The following KANK4 variants were observed in gnomAD, a reference collection of about 807,000 sequenced individuals.
KANK4 encodes KN motif and ankyrin repeat domains 4.
In KANK4, 50 loss-of-function variants were observed where a neutral mutation model predicts 80.8. The observed-to-expected ratio is 0.62, with a 90% confidence interval of 0.49 to 0.78. KANK4 has a LOEUF of 0.78. KANK4 is among the 30% of genes least tolerant of loss of function. KANK4 has a pLI of 0.00. For missense variants in KANK4, 1,196 were observed against 1,240.1 expected (o/e 0.96, Z 0.53); for synonymous variants, 465 against 506.9 (o/e 0.92, Z 1.11).
intron 5 of KANK4, 35 bp from the exon 6 acceptor site, chr1:62,266,854 T>C: frequency 7.9e-7 from 1 of 1,267,640 alleles, no homozygotes; most frequent in Non-Finnish European, 1.1e-6. Flanking sequence ...CATATTTATA[T>C]AATCATTTTC....
intron 1 of KANK4, among the ~76,000 whole-genome samples, chr1:62,305,786 C>T (rs1644446814): frequency 6.6e-6 from 1 of 152,068 alleles, no homozygotes; most frequent in Non-Finnish European, 1.5e-5. Flanking sequence ...TTTCTCCTGA[C>T]ACTGCATTGC....
At chr1:62,267,560 G>T (rs1672052938) in intron 5 of KANK4, among the ~76,000 whole-genome samples, 1 of 152,170 alleles carries the variant, frequency 6.6e-6, no homozygotes, top group Non-Finnish European at 1.5e-5. Flanking sequence ...CCAGCACTTT[G>T]GGAGGCTGAG....
rs575939682 is a variant in KANK4, at chr1:62,263,300, C to A, written c.2331G>T (p.Leu777Phe). The change falls in exon 7 of 10, where the codon TTG becomes TTT. Residue 777 changes from leucine (L) to phenylalanine (F), a missense_variant. Physicochemically the swap from Leu to Phe is conservative, Grantham distance 22. This residue lies in a region of KANK4 where 1,154 missense variants were observed against 1,179.6 expected (regional missense o/e 0.98). Transcript: ENST00000371153. ...TTTDQLLRQS[L>F]NTISQEWFRV... The stretch of plus-strand genomic sequence containing the variant: ...GGAACCACTCTTGACTGATGGTGTT[C>A]AAGCTTTGCCTCTGAAACCCCAAAA... 3.1e-6 allele frequency: 5 copies of A among 1,613,140 alleles called. No individual in the cohort carries two copies. The highest frequency in any genetic ancestry group is 4.2e-6 in the Non-Finnish European group (5 of 1,179,716).
At chr1:62,294,319 C>T (rs1644340123) in intron 1 of KANK4, among the ~76,000 whole-genome samples, 1 of 152,198 alleles carries the variant, frequency 6.6e-6, no homozygotes, top group Non-Finnish European at 1.5e-5. Flanking sequence ...AATTCAGCTC[C>T]ACTTCCTCCC....
chr1:62,274,051 G>T lies in KANK4; in HGVS notation c.1053C>A (p.Ala351=), dbSNP rs767668625. The T allele has an allele frequency of 4.3e-6, 7 of 1,614,150 alleles. No homozygotes were observed. Among genetic ancestry groups the T allele is most frequent in the Non-Finnish European group, 5.9e-6 (7 of 1,180,028 alleles). Residue 351 remains alanine (A), a synonymous_variant, in exon 3 of 10, where the codon GCC becomes GCA. Transcript: ENST00000371153. ...TTCTTCCAGACAACTCTCCCTCCAGGGCCGAGACCTGCTGTTTCAGGCTGG... is the reference window on the plus strand; with the variant it reads ...TTCTTCCAGACAACTCTCCCTCCAGTGCCGAGACCTGCTGTTTCAGGCTGG... ...SISSLKQQVS[A]LEGELSGRTE... is the part of the protein sequence containing the mutation.
chr1:62,302,359 G>C (rs1235876427), intron 1 of KANK4, among the ~76,000 whole-genome samples: 1 of 151,986 alleles, frequency 6.6e-6, no homozygotes, highest in Non-Finnish European at 1.5e-5. Context: ...ATTTACTCCA[G>C]GCACTGTGCT....
rs1326080377 is a variant in KANK4, at chr1:62,319,288, T to C, written c.-253A>G. On this transcript the variant is annotated 5_prime_UTR_variant, in exon 1 of 10. Transcript: ENST00000371153. ...GCGCGCACACCCTCCAGGCGCCCTC[T>C]GGCCGACGGTCTCGGCCCTGGCCCC... is the stretch of plus-strand genomic sequence containing the variant. 1.3e-5 allele frequency: 2 copies of C among 151,782 alleles called. No homozygotes were observed. The highest frequency in any genetic ancestry group is 2.4e-5 in the African/African-American group (1 of 41,366). The allele number at this position is 151,782 out of a possible 1,614,324, so 9.4% of individuals were successfully genotyped here. A position where few individuals can be genotyped will look rare whatever the true frequency, so the allele number is the denominator to read the frequency against.
intron 7 of KANK4, among the ~76,000 whole-genome samples, chr1:62,259,562 C>T (rs185150921): frequency 2.0e-5 from 3 of 152,208 alleles, no homozygotes; most frequent in South Asian, 2.1e-4. Flanking sequence ...TAGGCGTGAG[C>T]CACCGCGCCT....
At chr1:62,270,238 G>A (rs980892122) in intron 4 of KANK4, among the ~76,000 whole-genome samples, 11 of 152,150 alleles carry the variant, frequency 7.2e-5, no homozygotes, top group Admixed American at 2.6e-4. Context: ...GGGGAGAGAC[G>A]TGACCTATAC....
Position 62,274,720 on chromosome 1 carries a change from G to C in KANK4, c.384C>G (p.His128Gln). ...ASTSRSEVSY[H>Q]RKALLAEATR... ...TGGCCTCTGCCAACAGAGCCTTCCT[G>C]TGGTAGCTCACCTCACTCCTGCTTG... The change falls in exon 3 of 10, where the codon CAC (histidine) becomes CAG (glutamine). Residue 128 changes from histidine (H) to glutamine (Q), a missense_variant. Physicochemically the swap from His to Gln is conservative, Grantham distance 24 (BLOSUM62 0). Coordinates refer to ENST00000371153, the MANE Select transcript of KANK4 (RefSeq NM_181712.5). The C allele has an allele frequency of 3.1e-6, 5 of 1,614,202 alleles. No individual in the cohort carries two copies. The highest frequency in any genetic ancestry group is 4.2e-6 in the Non-Finnish European group (5 of 1,180,036).
At position 62,273,709 on chromosome 1, in the gene KANK4, AT is replaced by A. The variant is rs1672227113; in HGVS notation, c.1394del (p.Asn465IlefsTer100). On this transcript the variant is annotated frameshift_variant, in exon 3 of 10. Coordinates refer to ENST00000371153, the MANE Select transcript of KANK4 (RefSeq NM_181712.5). LOFTEE classifies it high-confidence loss of function. Reference protein sequence around the residue: ...LWGPDGHKQGNQSPAERVLLP... With the variant: ...LWGPDGHKQGXQSPAERVLLP... ...GAAGCACACGTTCTGCTGGGCTCTG[AT>A]TCCCTTGTTTATGACCATCTGGCCC... 1 of 1,613,998 alleles carries A rather than the reference AT, an allele frequency of 6.2e-7. No individual in the cohort carries two copies. The highest frequency in any genetic ancestry group is 1.3e-5 in the African/African-American group (1 of 74,974).
intron 6 of KANK4, 76 bp downstream of exon 6, chr1:62,266,656 G>T: frequency 1.0e-6 from 1 of 1,000,992 alleles, no homozygotes; most frequent in South Asian, 1.4e-5. Context: ...CACTGAATGG[G>T]ACCAAAGTCA....
At chr1:62,259,433 C>T (rs1358499605) in intron 7 of KANK4, among the ~76,000 whole-genome samples, 10 of 152,126 alleles carry the variant, frequency 6.6e-5, no homozygotes, top group Admixed American at 4.6e-4. Context: ...TGTGCCATCA[C>T]GCCTGGCTAA....
At chr1:62,245,960 C>G (rs1017897084) in intron 9 of KANK4, among the ~76,000 whole-genome samples, 1 of 152,014 alleles carries the variant, frequency 6.6e-6, no homozygotes, top group African/African-American at 2.4e-5. Context: ...GATGATGGAA[C>G]GTTAAGGGTA....
Position 62,285,543 on chromosome 1 carries a change from C to T in KANK4, c.-70-3909G>A, listed in dbSNP as rs561693067. On this transcript the variant is annotated intron_variant, in intron 1 of 9. Coordinates refer to ENST00000371153, the MANE Select transcript of KANK4 (RefSeq NM_181712.5). ...TTCTGTACTTTTGTTCTCTTCAAAC[C>T]TCTTTTTATTCTGCAATAATAAAAA... is the stretch of plus-strand genomic sequence containing the variant. Among the ~76,000 whole-genome samples the T allele has an allele frequency of 4.6e-5, 7 of 152,312 alleles. No homozygotes were observed. The South Asian group carries it at 1.5e-3, about 32-fold the overall frequency.
chr1:62,282,581 A>G (rs1167449119), intron 1 of KANK4, among the ~76,000 whole-genome samples: 1 of 152,234 alleles, frequency 6.6e-6, no homozygotes, highest in African/African-American at 2.4e-5. Context: ...TGGCCCCCAG[A>G]AACCAAGGAT....
rs190269773 is a variant in KANK4 at position 62,316,129 on chromosome 1, A to C, written c.-71+2977T>G. Among the ~76,000 whole-genome samples the C allele has an allele frequency of 5.4e-4, 82 of 152,360 alleles. 2 individuals carry two copies. Among genetic ancestry groups the C allele is most frequent in the Non-Finnish European group, 1.0e-4 (7 of 68,038 alleles). On this transcript the variant is annotated intron_variant, in intron 1 of 9. Transcript: ENST00000371153. The stretch of plus-strand genomic sequence containing the variant: ...GACAAGGTCAATAGCTGGGCCTCTG[A>C]TCTCAATGGTCCACCAAGGGCGTCC...
chr1:62,277,473 C>A (rs967075668), intron 2 of KANK4, among the ~76,000 whole-genome samples: 29 of 152,144 alleles, frequency 1.9e-4, no homozygotes, highest in African/African-American at 2.4e-5. Context: ...CCTTTGAATC[C>A]GGGTTGGCCT....
At chr1:62,278,313 T>TTTTC (rs10654280) in intron 2 of KANK4, among the ~76,000 whole-genome samples, 9,086 of 35,242 alleles carry the variant, frequency 0.26, 1,740 homozygotes, top group Middle Eastern at 0.35. Context: ...CTGGGGCACA[T>TTTTC]TTTCTTTCTT....
Sources: gnomAD v4.1 joint callset for allele counts (sites outside exome capture counted in the v4.1 genomes callset) on GRCh38, gnomAD v4.1.1 for gene constraint, gnomAD v4.1.1 regional missense constraint, MANE v1.5 for transcripts, NCBI Gene and HGNC (gene_info 2026-07-23, HGNC 2026-07-21) for gene names.